The following ARHGEF6 variants were observed in gnomAD, a reference collection of about 807,000 sequenced individuals.
The protein encoded by ARHGEF6 is rho guanine nucleotide exchange factor 6.
A neutral mutation model predicts 70.3 loss-of-function variants in ARHGEF6; 9 were observed. The ratio of observed to expected loss-of-function variants is 0.13; its 90% CI spans 0.08 to 0.22. The LOEUF (loss-of-function observed/expected upper bound fraction) is 0.22, where lower values mean the gene tolerates loss of function less well. ARHGEF6 is among the 10% of genes least tolerant of loss of function. ARHGEF6 has a pLI of 1.00. For synonymous variants in ARHGEF6, 201 were observed against 207.8 expected (o/e 0.97, Z 0.28); for missense variants, 470 against 563.0 (o/e 0.83, Z 1.67).
At chrX:136,765,213 A>G (rs1426167483) in intron 2 of ARHGEF6, among the ~76,000 whole-genome samples, 1 of 111,963 alleles carries the variant, frequency 8.9e-6, no homozygotes, top group East Asian at 2.8e-4. Context: ...TGCCTGGAAC[A>G]TAGGAGGTGC....
chrX:136,687,883 G>A (rs1469982111), intron 11 of ARHGEF6, 49 bp downstream of exon 11: 2 of 1,065,908 alleles, frequency 1.9e-6, no homozygotes, highest in Non-Finnish European at 2.6e-6. Context: ...CGCTCTTTCA[G>A]GAATAAAGTA....
At chrX:136,718,404 A>G (rs1002009472) in intron 6 of ARHGEF6, among the ~76,000 whole-genome samples, 3 of 111,186 alleles carry the variant, frequency 2.7e-5, no homozygotes, top group Non-Finnish European at 3.8e-5. Flanking sequence ...TTCCATCAAA[A>G]TTGCAGTGGA....
intron 6 of ARHGEF6, among the ~76,000 whole-genome samples, chrX:136,727,347 TTC>T (rs1420520564): frequency 2.1e-5 from 1 of 47,445 alleles, no homozygotes; most frequent in Non-Finnish European, 3.8e-5. Context: ...CTTTCTTTCT[TTC>T]TTTCTTTCTT....
intron 7 of ARHGEF6, among the ~76,000 whole-genome samples, 193 bp from the exon 8 acceptor site, chrX:136,708,963 A>G (rs1317205303): frequency 2.7e-5 from 3 of 112,299 alleles, no homozygotes; most frequent in Non-Finnish European, 5.6e-5. Flanking sequence ...AAGAATAATG[A>G]TCCTAAAGAA....
Position 136,691,934 on chromosome X carries a change from C to T in ARHGEF6, c.1047-1186G>A, listed in dbSNP as rs146810567. Among the ~76,000 whole-genome samples the T allele has an allele frequency of 4.5e-5, 5 of 111,887 alleles. No homozygotes were observed. In the East Asian group the frequency reaches 1.4e-3, roughly 31 times the overall value. On this transcript the variant is annotated intron_variant, in intron 9 of 21. Transcript: ENST00000250617. ...AGTGCAAAGTGACCTACTTATTCTC[C>T]CTAGAACACGTCTTATGCCATGGTT...
intron 2 of ARHGEF6, among the ~76,000 whole-genome samples, chrX:136,758,031 CTTTTTTTTTTTTTTTTTTTTTTTTT>C (rs1164537601): frequency 2.9e-4 from 4 of 14,032 alleles, no homozygotes; most frequent in Non-Finnish European, 4.8e-4. Context: ...AAAATAAATT[CTTTTTTTTTTTTTTTTTTTTTTTTT>C]TTTTTTTTTT....
intron 5 of ARHGEF6, among the ~76,000 whole-genome samples, chrX:136,734,665 T>C (rs764419145): frequency 8.1e-4 from 91 of 111,793 alleles, no homozygotes; most frequent in Non-Finnish European, 1.5e-3. Context: ...ACTATTACAC[T>C]GACACCAAAA....
chrX:136,669,488 C>T lies in ARHGEF6; in HGVS notation c.2184G>A (p.Leu728=), dbSNP rs761981580. Residue 728 remains leucine, a synonymous_variant, in exon 21 of 22, where the codon CTG becomes CTA. Coordinates refer to ENST00000250617, the MANE Select transcript of ARHGEF6 (RefSeq NM_004840.3). ...TGATTTTATATTTTATTACCTGCTT[C>T]AGTTCTCTGACCTCGTCCTTCAAGG... ...VYALKDEVRE[L]KQENKRMKQC... 1 of 1,207,644 alleles carries T rather than the reference C, an allele frequency of 8.3e-7. No homozygotes were observed. Among genetic ancestry groups the T allele is most frequent in the South Asian group, 1.8e-5 (1 of 56,869 alleles).
Position 136,680,762 on chromosome X carries a change from T to C in ARHGEF6, c.1673A>G (p.Lys558Arg). 8.3e-7 allele frequency: 1 copy of C among 1,211,745 alleles called. No homozygotes were observed. The highest frequency in any genetic ancestry group is 3.0e-5 in the East Asian group (1 of 33,852). ...RGPASCSSLSKTSSSSCSAHS... is the reference protein window; with the variant it reads ...RGPASCSSLSRTSSSSCSAHS... ...AGCACTACATGATGACGATGAGGTT[T>C]TGGATAATGAACTGCAAGAGGCAGG... Residue 558 changes from lysine to arginine, a missense_variant, in exon 15 of 22, where the codon AAA becomes AGA. By Grantham distance (26) the Lys-to-Arg change is conservative. Transcript: ENST00000250617.
intron 11 of ARHGEF6, among the ~76,000 whole-genome samples, chrX:136,686,699 T>C (rs868815861): frequency 2.0e-4 from 8 of 39,056 alleles, no homozygotes; most frequent in Middle Eastern, 0.023. Context: ...TATATACACA[T>C]ATATATATAC....
intron 2 of ARHGEF6, among the ~76,000 whole-genome samples, chrX:136,757,246 G>C (rs1206959304): frequency 8.9e-6 from 1 of 112,064 alleles, no homozygotes; most frequent in Non-Finnish European, 1.9e-5. Flanking sequence ...TGTAATCCCA[G>C]CTAGTGGGGA....
chrX:136,758,028 A>ATTTT (rs1569421949), intron 2 of ARHGEF6, among the ~76,000 whole-genome samples: 24 of 29,735 alleles, frequency 8.1e-4, no homozygotes, highest in African/African-American at 2.4e-3. Context: ...CTAAAAATAA[A>ATTTT]TTCTTTTTTT....
chrX:136,686,707 T>TATAC (rs1569394166), intron 11 of ARHGEF6, among the ~76,000 whole-genome samples: 64 of 27,302 alleles, frequency 2.3e-3, no homozygotes, highest in African/African-American at 6.6e-3. Context: ...CATATATATA[T>TATAC]ACATATATAT....
chrX:136,778,153 A>T (rs753744376), intron 2 of ARHGEF6, among the ~76,000 whole-genome samples: 12 of 111,537 alleles, frequency 1.1e-4, no homozygotes, highest in South Asian at 7.5e-4. Context: ...AATATTTTTT[A>T]AAAAGGTCAC....
chrX:136,673,414 G>A (rs956476504), intron 19 of ARHGEF6, among the ~76,000 whole-genome samples: 3 of 112,024 alleles, frequency 2.7e-5, no homozygotes, highest in African/African-American at 6.5e-5. Flanking sequence ...AGGTCACCAC[G>A]ATGCTAAATG....
At chrX:136,763,198 T>G (rs2077280268) in intron 2 of ARHGEF6, among the ~76,000 whole-genome samples, 1 of 112,221 alleles carries the variant, frequency 8.9e-6, no homozygotes, top group Non-Finnish European at 1.9e-5. Flanking sequence ...TTATCACAAC[T>G]TTCTATTTAG....
chrX:136,718,433 A>G (rs560182348), intron 6 of ARHGEF6, among the ~76,000 whole-genome samples: 4 of 111,284 alleles, frequency 3.6e-5, no homozygotes, highest in African/African-American at 1.3e-4. Context: ...CCCTTCAATC[A>G]ATAATAAAAA....
chrX:136,670,304 G>T, intron 20 of ARHGEF6, among the ~76,000 whole-genome samples: 1 of 111,712 alleles, frequency 9.0e-6, no homozygotes, highest in Non-Finnish European at 1.9e-5. Flanking sequence ...ACATCACATT[G>T]TACACCTTTG....
chrX:136,762,595 G>A (rs988935951), intron 2 of ARHGEF6, among the ~76,000 whole-genome samples: 3 of 111,403 alleles, frequency 2.7e-5, no homozygotes, highest in Admixed American at 9.5e-5. Flanking sequence ...AGGTTCAAGC[G>A]ATTCTCCTGC....
Sources: gnomAD v4.1 joint callset for allele counts (sites outside exome capture counted in the v4.1 genomes callset) on GRCh38, gnomAD v4.1.1 for gene constraint, MANE v1.5 for transcripts, NCBI Gene and HGNC (gene_info 2026-07-23, HGNC 2026-07-21) for gene names.